DMD: variants seen among roughly 807,000 people sequenced by gnomAD.
The protein encoded by DMD is mutant dystrophin.
DMD carries 63 observed loss-of-function variants against 330.1 expected under a neutral mutation model. The ratio of observed to expected loss-of-function variants is 0.19; its 90% CI spans 0.16 to 0.24. The LOEUF (loss-of-function observed/expected upper bound fraction) is 0.24, where lower values mean the gene tolerates loss of function less well. DMD is among the 10% of genes least tolerant of loss of function. DMD has a pLI of 1.00. For synonymous variants in DMD, 1,223 were observed against 959.8 expected (o/e 1.27, Z -5.07); for missense variants, 3,344 against 2,684.1 (o/e 1.25, Z -5.43).
intron 44 of DMD, among the ~76,000 whole-genome samples, chrX:32,163,535 G>T (rs763687447): frequency 1.8e-5 from 2 of 112,042 alleles, no homozygotes; most frequent in South Asian, 3.7e-4. Context: ...GCTTGAGATA[G>T]TTCCTTTGTG....
intron 13 of DMD, chrX:32,583,559 G>A (rs1277269141): frequency 8.9e-6 from 1 of 111,914 alleles, no homozygotes; most frequent in Admixed American, 9.5e-5. Context: ...AAACAATGTG[G>A]AATTAGCATG....
intron 44 of DMD, among the ~76,000 whole-genome samples, chrX:32,169,934 C>T (rs1430414249): frequency 1.8e-5 from 2 of 111,467 alleles, no homozygotes; most frequent in East Asian, 5.6e-4. Flanking sequence ...AACTCACTGT[C>T]TTCTCAATTT....
intron 9 of DMD, among the ~76,000 whole-genome samples, chrX:32,656,229 C>T (rs1419775891): frequency 8.9e-6 from 1 of 111,809 alleles, no homozygotes; most frequent in Non-Finnish European, 1.9e-5. Context: ...ATGCTCTCTT[C>T]TTCGTCCTCC....
chrX:32,745,825 T>C (rs1188371134), intron 7 of DMD, among the ~76,000 whole-genome samples: 1 of 112,431 alleles, frequency 8.9e-6, no homozygotes, highest in Non-Finnish European at 1.9e-5. Context: ...TGTAGTCATA[T>C]AGTCGAAGAC....
chrX:31,991,041 A>G (rs2095546569), intron 44 of DMD, among the ~76,000 whole-genome samples: 2 of 111,901 alleles, frequency 1.8e-5, no homozygotes, highest in Non-Finnish European at 3.8e-5. Context: ...CCTGAAAACC[A>G]ATACAGGTTT....
intron 9 of DMD, among the ~76,000 whole-genome samples, chrX:32,664,110 C>T (rs755767766): frequency 1.8e-5 from 2 of 111,107 alleles, no homozygotes; most frequent in South Asian, 3.8e-4. Context: ...AAGGCAAGGC[C>T]AAAGCAGGCA....
chrX:31,446,806 C>T (rs189190628), intron 59 of DMD, among the ~76,000 whole-genome samples: 2 of 112,211 alleles, frequency 1.8e-5, no homozygotes, highest in African/African-American at 6.5e-5. Context: ...AAATCATTCT[C>T]TTCTGGATAA....
At chrX:31,381,106 C>G (rs147060330) in intron 60 of DMD, among the ~76,000 whole-genome samples, 6,577 of 111,080 alleles carry the variant, frequency 0.059, 195 homozygotes, top group South Asian at 0.16. Flanking sequence ...TATAAACTCA[C>G]AAAAGGAAAC....
In DMD at chrX:32,796,485, T is replaced by C. The variant is rs769912573; in HGVS notation, c.649+13008A>G. On this transcript the variant is annotated intron_variant, in intron 7 of 78. Transcript: ENST00000357033. ...GGTAGGAAGGGAATATAAAAAGGGG[T>C]TATTTAATGGGTACAAATATATAGT... is the stretch of plus-strand genomic sequence containing the variant. 2.7e-5 allele frequency among the ~76,000 whole-genome samples: 3 copies of C among 110,916 alleles called. No individual in the cohort carries two copies. The East Asian group carries it at 8.5e-4, about 32-fold the overall frequency.
intron 7 of DMD, among the ~76,000 whole-genome samples, chrX:32,782,613 T>G (rs2074887064): frequency 9.0e-6 from 1 of 111,320 alleles, no homozygotes; most frequent in Admixed American, 9.6e-5. Flanking sequence ...GTTGTACAGG[T>G]GGAGAGGTAT....
At chrX:32,699,366 T>C (rs2147608776) in intron 7 of DMD, 73 bp from the exon 8 acceptor site, 3 of 851,780 alleles carry the variant, frequency 3.5e-6, no homozygotes, top group East Asian at 6.3e-5. Context: ...AATGAACAAA[T>C]CAAAGTTAAA....
Position 31,845,375 on chromosome X carries a change from GTCTCTCTC to G in DMD, c.7099-8564_7099-8557del, listed in dbSNP as rs535397626. On this transcript the variant is annotated intron_variant, in intron 48 of 78. Coordinates refer to ENST00000357033, the MANE Select transcript of DMD (RefSeq NM_004006.3). ...CAGGTGTTATAGAGGACAGAATAAA[GTCTCTCTC>G]TCTCTCTCTCTCTCTCTCTCTCTCT... Among the ~76,000 whole-genome samples the G allele has an allele frequency of 9.9e-3, 596 of 60,095 alleles. 10 individuals are homozygous for G. The highest frequency in any genetic ancestry group is 0.018 in the Admixed American group (67 of 3,786). The allele number at this position is 60,095 out of a possible 115,157, so 52.2% of individuals were successfully genotyped here.
chrX:32,751,650 C>T (rs1024808948), intron 7 of DMD, among the ~76,000 whole-genome samples: 47 of 112,572 alleles, frequency 4.2e-4, no homozygotes, highest in African/African-American at 1.5e-3. Flanking sequence ...GTATAAGTAA[C>T]AAGGAACTGA....
At chrX:32,149,571 C>T (rs779158833) in intron 44 of DMD, among the ~76,000 whole-genome samples, 1 of 111,076 alleles carries the variant, frequency 9.0e-6, no homozygotes, top group Admixed American at 9.6e-5. Context: ...ATATAATATG[C>T]CATAAAATAG....
At chrX:32,969,024 T>C (rs1452825677) in intron 2 of DMD, among the ~76,000 whole-genome samples, 2 of 35,505 alleles carry the variant, frequency 5.6e-5, no homozygotes, top group Non-Finnish European at 8.9e-5. Flanking sequence ...TGAGATTCTG[T>C]CTCAAAAAAA....
intron 63 of DMD, among the ~76,000 whole-genome samples, chrX:31,236,479 C>T (rs1244914887): frequency 4.4e-5 from 5 of 112,380 alleles, no homozygotes; most frequent in Non-Finnish European, 9.4e-5. Flanking sequence ...GCAGAGATCT[C>T]CATCCTTGCT....
intron 7 of DMD, among the ~76,000 whole-genome samples, chrX:32,807,653 T>C (rs1189865983): frequency 1.8e-5 from 2 of 111,352 alleles, no homozygotes; most frequent in Non-Finnish European, 3.8e-5. Flanking sequence ...CTTTTTCTGA[T>C]TACAGGCTCG....
chrX:31,465,162 C>T (rs946346392), intron 59 of DMD, among the ~76,000 whole-genome samples: 20 of 111,735 alleles, frequency 1.8e-4, no homozygotes, highest in African/African-American at 6.5e-4. Context: ...GCAACACTAA[C>T]TTACAATTAA....
intron 20 of DMD, among the ~76,000 whole-genome samples, chrX:32,490,257 GT>G (rs2042869747): frequency 9.0e-6 from 1 of 111,703 alleles, no homozygotes; most frequent in Non-Finnish European, 1.9e-5. Flanking sequence ...TCCTGGAAAC[GT>G]TTTAGTCCAT....
Sources: allele counts gnomAD v4.1 joint callset (sites outside exome capture counted in the v4.1 genomes callset), GRCh38; gene constraint gnomAD v4.1.1; transcripts MANE v1.5; gene names NCBI Gene and HGNC (gene_info 2026-07-23, HGNC 2026-07-21).